PHIP: variants seen among roughly 807,000 people sequenced by gnomAD.
PHIP encodes the protein PHIP subunit of CUL4-Ring ligase complex, also known as PH-interacting protein.
A neutral mutation model predicts 236.8 loss-of-function variants in PHIP; 54 were observed. The ratio of observed to expected loss-of-function variants is 0.23; its 90% CI spans 0.18 to 0.29. The LOEUF is 0.29. Among genes scored for constraint, PHIP ranks in the 10% least tolerant of loss-of-function variants. The probability of loss-of-function intolerance (pLI) is 1.00; values close to 1 mark genes in which losing one functional copy is unlikely to be tolerated. For synonymous variants in PHIP, 756 were observed against 718.9 expected (o/e 1.05, Z -0.83); for missense variants, 1,370 against 2,190.8 (o/e 0.63, Z 7.48).
intron 39 of PHIP, among the ~76,000 whole-genome samples, chr6:78,942,969 A>G (rs762107266): frequency 4.6e-5 from 7 of 152,218 alleles, no homozygotes; most frequent in Non-Finnish European, 8.8e-5. Context: ...AACCACTGAT[A>G]TTGAACGGTG....
intron 7 of PHIP, among the ~76,000 whole-genome samples, chr6:79,038,610 TC>T (rs960569052): frequency 6.6e-6 from 1 of 152,040 alleles, no homozygotes; most frequent in African/African-American, 2.4e-5. Context: ...TTCTTTTTTT[TC>T]CCCTAGCCTC....
At chr6:79,076,767 A>G (rs1410914794) in intron 4 of PHIP, among the ~76,000 whole-genome samples, 1 of 152,178 alleles carries the variant, frequency 6.6e-6, no homozygotes, top group African/African-American at 2.4e-5. Flanking sequence ...AAAGCCTACT[A>G]AACTTCTGGT....
At position 78,941,428 on chromosome 6, in the gene PHIP, T is replaced by C. The variant is rs553899120; in HGVS notation, c.4829-98A>G. On this transcript the variant is annotated intron_variant, in intron 39 of 39. Transcript: ENST00000275034. Reference sequence around the variant, plus strand: ...GCCCCATTGGTATACTTATATGTAATGACATAATCCAAATTATTTTATTAA... The same window carrying C: ...GCCCCATTGGTATACTTATATGTAACGACATAATCCAAATTATTTTATTAA... 3.0e-5 allele frequency: 21 copies of C among 694,890 alleles called. No individual in the cohort carries two copies. The South Asian group carries it at 3.8e-4, about 12-fold the overall frequency. 43.0% of individuals were successfully genotyped at this position (694,890 alleles called of 1,614,324 possible).
At chr6:78,967,853 G>T (rs556176837) in intron 27 of PHIP, among the ~76,000 whole-genome samples, 2 of 152,126 alleles carry the variant, frequency 1.3e-5, no homozygotes, top group African/African-American at 4.8e-5. Flanking sequence ...AAAATTTATC[G>T]GCCGGGCGCG....
rs201918575 is a variant in PHIP, at chr6:78,937,689, AG to A, written c.*3003del. 8 of 130,504 alleles carry A rather than the reference AG, an allele frequency of 6.1e-5. No individual in the cohort carries two copies. The South Asian group carries it at 2.4e-3, about 38-fold the overall frequency. 8.1% of individuals were successfully genotyped at this position (130,504 alleles called of 1,614,324 possible). On this transcript the variant is annotated 3_prime_UTR_variant, in exon 40 of 40. Transcript: ENST00000275034. The stretch of plus-strand genomic sequence containing the variant: ...AACAATTGAAATAAGGCCAATCTTT[AG>A]TTTATAATACATGCAGAAAATAGTC...
In PHIP at chr6:79,015,641, G is replaced by A; in HGVS notation, c.1378C>T (p.His460Tyr). The change falls in exon 14 of 40, where the codon CAT (histidine) becomes TAT (tyrosine). Residue 460 changes from histidine to tyrosine, a missense_variant. By Grantham distance (83) the His-to-Tyr change is moderately conservative. Around this residue, in one of 14 missense-constraint regions of PHIP, gnomAD observed 188 missense variants for 354.3 expected, o/e 0.53. Coordinates refer to ENST00000275034, the MANE Select transcript of PHIP (RefSeq NM_017934.7). ...GAATTTTTTCTCACCATCAGGACAT[G>A]AATTAGTTGACCAGTGTAAGAATTC... is the stretch of plus-strand genomic sequence containing the variant. ...VWNSYTGQLIHVLMGHEDEVF... is the reference protein window; with the variant it reads ...VWNSYTGQLIYVLMGHEDEVF... 1 of 1,601,474 alleles carries A rather than the reference G, an allele frequency of 6.2e-7. No homozygotes were observed. The highest frequency in any genetic ancestry group is 8.5e-7 in the Non-Finnish European group (1 of 1,172,322).
intron 6 of PHIP, among the ~76,000 whole-genome samples, chr6:79,058,037 TA>T (rs1283756086): frequency 7.2e-5 from 11 of 151,838 alleles, no homozygotes; most frequent in African/African-American, 2.4e-4. Context: ...ATACAATTTT[TA>T]AAAGTAGGCA....
chr6:79,014,388 GTTT>G (rs565783564), intron 15 of PHIP, among the ~76,000 whole-genome samples: 2 of 151,658 alleles, frequency 1.3e-5, no homozygotes, highest in Non-Finnish European at 3.0e-5. Context: ...AGTGGAAACT[GTTT>G]TTTCTTTTGT....
intron 6 of PHIP, among the ~76,000 whole-genome samples, chr6:79,054,342 CAA>C (rs70977758): frequency 1.5e-5 from 2 of 133,712 alleles, no homozygotes; most frequent in Admixed American, 7.4e-5. Context: ...ATCATTAAAC[CAA>C]AAAAAAAAAA....
At chr6:78,970,940 A>G (rs770468296) in intron 24 of PHIP, 52 bp from the exon 25 acceptor site, 2 of 1,206,848 alleles carry the variant, frequency 1.7e-6, no homozygotes, top group African/African-American at 1.5e-5. Context: ...CTTTAATCCA[A>G]TATACAGGGT....
At chr6:79,073,082 G>C (rs1198439470) in intron 4 of PHIP, among the ~76,000 whole-genome samples, 1 of 152,116 alleles carries the variant, frequency 6.6e-6, no homozygotes, top group African/African-American at 2.4e-5. Context: ...AAACCATTAT[G>C]GTTTGGGAAA....
At chr6:78,989,650 TGTATAC>T (rs1473223926) in intron 20 of PHIP, among the ~76,000 whole-genome samples, 1 of 152,232 alleles carries the variant, frequency 6.6e-6, no homozygotes, top group East Asian at 1.9e-4. Flanking sequence ...CATACATATA[TGTATAC>T]ATATACATAT....
intron 6 of PHIP, 110 bp from the exon 7 acceptor site, chr6:79,043,113 G>A: frequency 5.0e-6 from 4 of 806,344 alleles, no homozygotes; most frequent in Non-Finnish European, 4.0e-6. Context: ...TAAAAATAAA[G>A]AAGCTTTCTG....
chr6:78,995,943 TGTTAAA>T (rs1220952384), intron 19 of PHIP, among the ~76,000 whole-genome samples: 1 of 152,192 alleles, frequency 6.6e-6, no homozygotes, highest in African/African-American at 2.4e-5. Context: ...AAAGAATATC[TGTTAAA>T]GTTATGGCCA....
At chr6:78,951,835 G>C (rs1396133371) in intron 35 of PHIP, among the ~76,000 whole-genome samples, 2 of 152,146 alleles carry the variant, frequency 1.3e-5, no homozygotes, top group African/African-American at 2.4e-5. Flanking sequence ...TGGTGCACTG[G>C]ACATAAGGGA....
intron 16 of PHIP, 143 bp from the exon 17 acceptor site, chr6:79,002,267 T>C: frequency 1.7e-6 from 1 of 591,170 alleles, no homozygotes. Flanking sequence ...ATTATTTTCC[T>C]GAATTAATTG....
At chr6:78,988,388 A>G (rs1035632943) in intron 20 of PHIP, 39 bp from the exon 21 acceptor site, 12 of 1,454,414 alleles carry the variant, frequency 8.3e-6, no homozygotes, top group Non-Finnish European at 1.0e-5. Flanking sequence ...CAGATTGTTT[A>G]AAGAGCAGGA....
chr6:79,072,480 G>T (rs933967082), intron 4 of PHIP, among the ~76,000 whole-genome samples: 2 of 109,102 alleles, frequency 1.8e-5, no homozygotes, highest in African/African-American at 6.0e-5. Flanking sequence ...ATCTTCCGAA[G>T]ATTTTTTTTT....
intron 31 of PHIP, 134 bp downstream of exon 31, chr6:78,961,556 C>A: frequency 1.3e-6 from 1 of 789,360 alleles, no homozygotes; most frequent in Non-Finnish European, 2.0e-6. Context: ...TAAGATTCTA[C>A]ATTTTAACAT....
Sources: allele counts gnomAD v4.1 joint callset (sites outside exome capture counted in the v4.1 genomes callset), GRCh38; gene constraint gnomAD v4.1.1; regional missense constraint gnomAD v4.1.1; transcripts MANE v1.5; gene names NCBI Gene and HGNC (gene_info 2026-07-23, HGNC 2026-07-21).